The following PTGER4 variants were observed in gnomAD, a reference collection of about 807,000 sequenced individuals.
PTGER4 encodes the protein prostaglandin E2 receptor EP4 subtype.
PTGER4 carries 11 observed loss-of-function variants against 33.2 expected under a neutral mutation model. The observed-to-expected ratio is 0.33, with a 90% CI of 0.21 to 0.55. The LOEUF is 0.55. PTGER4 is among the 20% of genes least tolerant of loss of function. The pLI is 0.92. For missense variants in PTGER4, 481 were observed against 650.2 expected (o/e 0.74, Z 2.83); for synonymous variants, 275 against 281.5 (o/e 0.98, Z 0.23).
At chr5:40,730,864 C>A in the PTGER4 span, among the ~76,000 whole-genome samples, 1 of 152,136 alleles carries the variant, frequency 6.6e-6, no homozygotes, top group South Asian at 2.1e-4. Context: ...TGCCACTAAA[C>A]AATACTTAGT....
the PTGER4 span, among the ~76,000 whole-genome samples, chr5:40,719,273 A>G: frequency 1.3e-5 from 2 of 152,312 alleles, no homozygotes; most frequent in African/African-American, 2.4e-5. Context: ...CTATTGCTAT[A>G]TATCTGTCTA....
chr5:40,688,836 G>A (rs766002151), intron 2 of PTGER4, among the ~76,000 whole-genome samples: 17 of 152,166 alleles, frequency 1.1e-4, no homozygotes, highest in Non-Finnish European at 2.1e-4. Context: ...AGTATTTCAA[G>A]AGGCGATATT....
chr5:40,691,710 G>T lies in PTGER4; in HGVS notation c.868-69G>T. ...GCAGCTTCCTAATATTGATAAGGTA[G>T]ACATAGCATTTATATGTTTTCCCAA... is the stretch of plus-strand genomic sequence containing the variant. On this transcript the variant is annotated intron_variant, in intron 2 of 2. Transcript: ENST00000302472. This position sits in a 1 kb window ranked among gnomAD's most constrained non-coding sequence, Gnocchi z 4.2. 2 of 1,530,874 alleles carry T rather than the reference G, an allele frequency of 1.3e-6. No homozygotes were observed. The highest frequency in any genetic ancestry group is 1.8e-6 in the Non-Finnish European group (2 of 1,134,742). The allele number at this position is 1,530,874 out of a possible 1,614,324, so 94.8% of individuals were successfully genotyped here.
chr5:40,681,410 G>C lies in PTGER4; in HGVS notation c.417G>C (p.Thr139=). Residue 139 remains threonine, a synonymous_variant, in exon 2 of 3, where the codon ACG becomes ACC. Transcript: ENST00000302472. This position sits in a 1 kb window ranked among gnomAD's most constrained non-coding sequence, Gnocchi z 9.8. ...HYVDKRLAGL[T]LFAVYASNVL... ...TGGACAAGCGATTGGCGGGCCTCAC[G>C]CTCTTTGCAGTCTATGCGTCCAACG... is the stretch of plus-strand genomic sequence containing the variant. The C allele has an allele frequency of 6.2e-7, 1 of 1,613,992 alleles. No individual in the cohort carries two copies. The highest frequency in any genetic ancestry group is 8.5e-7 in the Non-Finnish European group (1 of 1,180,040).
chr5:40,684,647 G>A (rs1449358191), intron 2 of PTGER4, among the ~76,000 whole-genome samples: 4 of 152,150 alleles, frequency 2.6e-5, no homozygotes, highest in African/African-American at 4.8e-5. Flanking sequence ...GAAAGGTTGG[G>A]AAATTAGTTG....
the PTGER4 span, among the ~76,000 whole-genome samples, chr5:40,710,456 G>A: frequency 6.6e-6 from 1 of 152,164 alleles, no homozygotes; most frequent in Non-Finnish European, 1.5e-5. Context: ...TGGAGAAATA[G>A]GAACACTTTT....
At chr5:40,694,795 T>C (rs1273436523), downstream of PTGER4, among the ~76,000 whole-genome samples, 1 of 152,238 alleles carries the variant, frequency 6.6e-6, no homozygotes, top group African/African-American at 2.4e-5. Context: ...GCCTGATTTA[T>C]TCTTAAAATA....
chr5:40,708,065 C>T, the PTGER4 span, among the ~76,000 whole-genome samples: 1 of 151,974 alleles, frequency 6.6e-6, no homozygotes, highest in East Asian at 1.9e-4. Context: ...ACTAAATGCC[C>T]AAAAGAGAAA....
chr5:40,741,998 G>A, the PTGER4 span, among the ~76,000 whole-genome samples: 6 of 151,458 alleles, frequency 4.0e-5, no homozygotes, highest in East Asian at 9.7e-4. Context: ...TCAAAAAAAA[G>A]AAAAAAAAGA....
the PTGER4 span, chr5:40,730,395 ACTTTC>A: frequency 6.7e-7 from 1 of 1,492,936 alleles, no homozygotes. Context: ...GCTTTTTTGG[ACTTTC>A]AAAAAAAAAT....
At chr5:40,697,722 A>T (rs573067093), downstream of PTGER4, among the ~76,000 whole-genome samples, 11 of 152,048 alleles carry the variant, frequency 7.2e-5, no homozygotes, top group African/African-American at 1.7e-4. Context: ...TAATGAATTT[A>T]AAAAAGGCAA....
the PTGER4 span, among the ~76,000 whole-genome samples, chr5:40,706,946 G>C: frequency 6.6e-6 from 1 of 152,132 alleles, no homozygotes; most frequent in Admixed American, 6.5e-5. Flanking sequence ...ATAAGTGAAG[G>C]AGAAATAAAA....
At chr5:40,705,126 C>T in the PTGER4 span, among the ~76,000 whole-genome samples, 1 of 151,912 alleles carries the variant, frequency 6.6e-6, no homozygotes, top group South Asian at 2.1e-4. Flanking sequence ...CAAAAACAGG[C>T]ACATAGAACA....
At chr5:40,731,465 T>C in the PTGER4 span, among the ~76,000 whole-genome samples, 1 of 152,160 alleles carries the variant, frequency 6.6e-6, no homozygotes, top group Non-Finnish European at 1.5e-5. Context: ...ATTGACTCAG[T>C]ACCACAGGGC....
the PTGER4 span, among the ~76,000 whole-genome samples, chr5:40,738,053 A>G: frequency 6.6e-6 from 1 of 152,168 alleles, no homozygotes; most frequent in South Asian, 2.1e-4. Context: ...TAATGTTTTC[A>G]TTTCTTCTGA....
chr5:40,701,543 C>T, the PTGER4 span, among the ~76,000 whole-genome samples: 10 of 152,092 alleles, frequency 6.6e-5, no homozygotes, highest in East Asian at 1.9e-4. Flanking sequence ...GCAAAGGGGC[C>T]AAATCTATGA....
In PTGER4 at chr5:40,681,680, C is replaced by G. The variant is rs756768706; in HGVS notation, c.687C>G (p.His229Gln). Residue 229 changes from histidine (H) to glutamine (Q), a missense_variant, in exon 2 of 3, where the codon CAC (histidine) becomes CAG (glutamine). Transcript: ENST00000302472. This position sits in a 1 kb window ranked among gnomAD's most constrained non-coding sequence, Gnocchi z 9.8. ...CCTCGCTGGGCACCGAGCAGCACCA[C>G]GCGGCCGCGGCCGCCTCGGTTGCCT... ...RRTSLGTEQH[H>Q]AAAAASVASR... 6.4e-7 allele frequency: 1 copy of G among 1,569,558 alleles called. No homozygotes were observed. Among genetic ancestry groups the G allele is most frequent in the South Asian group, 1.1e-5 (1 of 88,138 alleles).
chr5:40,735,247 C>T, the PTGER4 span, among the ~76,000 whole-genome samples: 8 of 152,136 alleles, frequency 5.3e-5, no homozygotes, highest in East Asian at 1.5e-3. Flanking sequence ...TATTGATTTA[C>T]ATTTTTAAAA....
At chr5:40,744,521 A>G in the PTGER4 span, among the ~76,000 whole-genome samples, 1 of 151,636 alleles carries the variant, frequency 6.6e-6, no homozygotes, top group African/African-American at 2.4e-5. Flanking sequence ...ACAAAGAAAA[A>G]AGTGTGTCTT....
Sources: gnomAD v4.1 joint callset for allele counts (sites outside exome capture counted in the v4.1 genomes callset) on GRCh38, gnomAD v4.1.1 for gene constraint, Gnocchi (gnomAD v3.1) non-coding constraint, MANE v1.5 for transcripts, NCBI Gene and HGNC (gene_info 2026-07-23, HGNC 2026-07-21) for gene names.